PCDHA7: variants seen among roughly 807,000 people sequenced by gnomAD.
The protein encoded by PCDHA7 is protocadherin alpha 7.
In PCDHA7, 37 loss-of-function variants were observed where a neutral mutation model predicts 57.2. The observed-to-expected ratio is 0.65, with a 90% CI of 0.50 to 0.85. The LOEUF (loss-of-function observed/expected upper bound fraction) is 0.85. PCDHA7 is among the 40% of genes least tolerant of loss of function. PCDHA7 has a pLI of 0.00. For synonymous variants in PCDHA7, 553 were observed against 558.8 expected (o/e 0.99, Z 0.15); for missense variants, 1,188 against 1,241.8 (o/e 0.96, Z 0.65).
Position 140,869,617 on chromosome 5 carries a change from C to G in PCDHA7, c.2355+32879C>G, listed in dbSNP as rs782525218. The stretch of plus-strand genomic sequence containing the variant: ...AGAGAATGCTCTATTGACCTACAGG[C>G]TAAGTAAAAATGAGTATTTTTCTTT... On this transcript the variant is annotated intron_variant, in intron 1 of 3. Transcript: ENST00000525929. 5 of 1,613,828 alleles carry G rather than the reference C, an allele frequency of 3.1e-6. No homozygotes were observed. The highest frequency in any genetic ancestry group is 4.2e-6 in the Non-Finnish European group (5 of 1,179,910).
chr5:140,836,926 G>A (rs1041643515), intron 1 of PCDHA7, 188 bp downstream of exon 1: 6 of 510,622 alleles, frequency 1.2e-5, no homozygotes, highest in Non-Finnish European at 1.7e-5. Flanking sequence ...TTTGGGATGC[G>A]TAATACTATA....
Position 140,836,073 on chromosome 5 carries a change from G to A in PCDHA7, c.1690G>A (p.Ala564Thr). Reference protein sequence around the residue: ...FVLDENDNAPALLAPRVGGTG... With the variant: ...FVLDENDNAPTLLAPRVGGTG... ...GCTGGACGAGAACGACAACGCGCCG[G>A]CACTGCTGGCGCCTCGGGTGGGTGG... The change falls in exon 1 of 4, where the codon GCA becomes ACA. Residue 564 changes from alanine (A) to threonine (T), a missense_variant. Physicochemically the swap from Ala to Thr is moderately conservative, Grantham distance 58 (BLOSUM62 0). Coordinates refer to ENST00000525929, the MANE Select transcript of PCDHA7 (RefSeq NM_018910.3). 2 of 1,613,652 alleles carry A rather than the reference G, an allele frequency of 1.2e-6. No homozygotes were observed. Among genetic ancestry groups the A allele is most frequent in the Non-Finnish European group, 1.7e-6 (2 of 1,179,766 alleles).
chr5:140,854,000 CA>C (rs112540154), intron 1 of PCDHA7: 19,868 of 339,900 alleles, frequency 0.058, 122 homozygotes, highest in Non-Finnish European at 0.062. Context: ...TCATCTCTGC[CA>C]AAAAAAAAAA....
intron 1 of PCDHA7, chr5:140,929,740 A>G (rs2086345950): frequency 5.1e-6 from 1 of 196,656 alleles, no homozygotes; most frequent in African/African-American, 2.3e-5. Context: ...AACTATTGCA[A>G]TGCATTATTA....
chr5:140,939,904 T>A (rs1554213033), intron 1 of PCDHA7, among the ~76,000 whole-genome samples: 3 of 152,228 alleles, frequency 2.0e-5, no homozygotes, highest in Non-Finnish European at 2.9e-5. Context: ...TTCTGCATTC[T>A]TTTTTATTCT....
intron 1 of PCDHA7, among the ~76,000 whole-genome samples, chr5:140,890,952 G>C (rs555852578): frequency 1.9e-4 from 29 of 152,236 alleles, no homozygotes; most frequent in African/African-American, 7.0e-4. Context: ...GGTGAGGAAT[G>C]ATTTCAGGTT....
chr5:140,960,143 T>C (rs1250145398), intron 1 of PCDHA7, among the ~76,000 whole-genome samples: 1 of 152,208 alleles, frequency 6.6e-6, no homozygotes, highest in Non-Finnish European at 1.5e-5. Context: ...TAGATATTAA[T>C]AGCTTGAGAC....
At chr5:140,909,082 G>T (rs1190064294) in intron 1 of PCDHA7, among the ~76,000 whole-genome samples, 2 of 152,184 alleles carry the variant, frequency 1.3e-5, no homozygotes, top group Non-Finnish European at 2.9e-5. Context: ...CAGTGTGTTT[G>T]CTACTTCTCA....
chr5:140,875,160 C>A, intron 1 of PCDHA7: 1 of 339,568 alleles, frequency 2.9e-6, no homozygotes, highest in Non-Finnish European at 5.1e-6. Flanking sequence ...GAAAAATAAC[C>A]CAAAGTCGAA....
At chr5:140,857,588 G>A (rs2044704730) in intron 1 of PCDHA7, 2 of 1,596,484 alleles carry the variant, frequency 1.3e-6, no homozygotes, top group African/African-American at 1.3e-5. Flanking sequence ...CGCGGAGAGC[G>A]GCAAGGTGTA....
intron 3 of PCDHA7, among the ~76,000 whole-genome samples, chr5:140,993,156 A>G (rs2097543367): frequency 6.6e-6 from 1 of 152,188 alleles, no homozygotes; most frequent in Admixed American, 6.5e-5. Context: ...TGGATTCTAA[A>G]TATTTGCCTT....
chr5:140,896,750 A>G (rs781993760), intron 1 of PCDHA7, among the ~76,000 whole-genome samples: 3 of 152,114 alleles, frequency 2.0e-5, no homozygotes, highest in Non-Finnish European at 4.4e-5. Flanking sequence ...GATTCTGGAT[A>G]TTAGACCTTT....
At chr5:140,870,641 G>C in intron 1 of PCDHA7, 1 of 1,612,818 alleles carries the variant, frequency 6.2e-7, no homozygotes, top group South Asian at 1.1e-5. Context: ...CACGCGGAGA[G>C]CGGCAAGGTG....
At chr5:140,921,367 T>C (rs1165325497) in intron 1 of PCDHA7, among the ~76,000 whole-genome samples, 1 of 152,182 alleles carries the variant, frequency 6.6e-6, no homozygotes, top group African/African-American at 2.4e-5. Context: ...TCAAGTTTCA[T>C]ATTTCTACAT....
At chr5:141,004,054 G>A (rs2098150015) in intron 3 of PCDHA7, among the ~76,000 whole-genome samples, 1 of 152,216 alleles carries the variant, frequency 6.6e-6, no homozygotes, top group Admixed American at 6.5e-5. Flanking sequence ...TGCTGATACT[G>A]GCCCCTGGTT....
chr5:140,945,887 A>G (rs1291923718), intron 1 of PCDHA7, among the ~76,000 whole-genome samples: 2 of 152,132 alleles, frequency 1.3e-5, no homozygotes, highest in Admixed American at 1.3e-4. Flanking sequence ...AACAAAGAAA[A>G]CACAGTGGGA....
chr5:140,918,473 T>G (rs1385942505), intron 1 of PCDHA7, among the ~76,000 whole-genome samples: 1 of 152,284 alleles, frequency 6.6e-6, no homozygotes, highest in East Asian at 1.9e-4. Context: ...ATTCCAAGTC[T>G]CAAGGGGAAT....
chr5:140,881,409 A>G (rs2153379419), intron 1 of PCDHA7: 1 of 950,550 alleles, frequency 1.1e-6, no homozygotes, highest in East Asian at 1.2e-4. Context: ...TTAAATCAAT[A>G]GGATATTAGT....
At chr5:140,931,021 G>C (rs2153606770) in intron 1 of PCDHA7, among the ~76,000 whole-genome samples, 1 of 152,272 alleles carries the variant, frequency 6.6e-6, no homozygotes, top group Admixed American at 6.5e-5. Flanking sequence ...GGAATTTTCT[G>C]ATTGTAGAGC....
Sources: allele counts gnomAD v4.1 joint callset (sites outside exome capture counted in the v4.1 genomes callset), GRCh38; gene constraint gnomAD v4.1.1; transcripts MANE v1.5; gene names NCBI Gene and HGNC (gene_info 2026-07-23, HGNC 2026-07-21).